BLOC1S5: variants seen among roughly 807,000 people sequenced by gnomAD.
BLOC1S5 encodes biogenesis of lysosomal organelles complex 1 subunit 5.
BLOC1S5 carries 27 observed loss-of-function variants against 24.3 expected under a neutral mutation model. The ratio of observed to expected loss-of-function variants is 1.11; its 90% CI spans 0.82 to 1.53. BLOC1S5 has a LOEUF of 1.53. Ranked by LOEUF, BLOC1S5 falls within the 40% of genes most tolerant of loss-of-function variation. The pLI, the probability that BLOC1S5 is intolerant of heterozygous loss-of-function variation, is 0.00. For missense variants in BLOC1S5, 239 were observed against 229.4 expected (o/e 1.04, Z -0.27); for synonymous variants, 84 against 74.5 (o/e 1.13, Z -0.66).
At chr6:8,044,055 G>A (rs11243227) in intron 2 of BLOC1S5, among the ~76,000 whole-genome samples, 23,012 of 152,114 alleles carry the variant, frequency 0.15, 1,830 homozygotes, top group Admixed American at 0.18. Flanking sequence ...AAGCTGAGGT[G>A]GGCGGATCAT....
chr6:8,040,258 T>C (rs1581415211), intron 3 of BLOC1S5, among the ~76,000 whole-genome samples: 2 of 152,150 alleles, frequency 1.3e-5, no homozygotes, highest in South Asian at 4.1e-4. Context: ...GTGGGGAAGA[T>C]GATAAACATT....
chr6:8,014,298 G>A lies in BLOC1S5; in HGVS notation c.*1351C>T, dbSNP rs1762668333. On this transcript the variant is annotated 3_prime_UTR_variant, in exon 5 of 5. Coordinates refer to ENST00000397457, the MANE Select transcript of BLOC1S5 (RefSeq NM_201280.3). ...GTTAGATTTTTTTTTTGTTGAGATG[G>A]AGTCTCACTCTGTCACCCAAGCTGG... The A allele has an allele frequency of 1.3e-5, 2 of 151,804 alleles. No homozygotes were observed. The highest frequency in any genetic ancestry group is 2.9e-5 in the Non-Finnish European group (2 of 67,976). The allele number at this position is 151,804 out of a possible 1,614,324, so 9.4% of individuals were successfully genotyped here.
chr6:8,016,876 CAA>C (rs36179729), intron 4 of BLOC1S5, among the ~76,000 whole-genome samples: 2 of 97,618 alleles, frequency 2.0e-5, no homozygotes, highest in Non-Finnish European at 1.9e-5. Flanking sequence ...TACTCTATCT[CAA>C]AAAAAAAAAA....
intron 4 of BLOC1S5, among the ~76,000 whole-genome samples, chr6:8,024,249 G>C (rs973608458): frequency 6.6e-6 from 1 of 151,936 alleles, no homozygotes; most frequent in African/African-American, 2.4e-5. Context: ...CTTCAGGCCA[G>C]ACACAGTGGC....
chr6:8,056,479 A>C (rs1434546889), intron 2 of BLOC1S5, among the ~76,000 whole-genome samples: 1 of 152,204 alleles, frequency 6.6e-6, no homozygotes, highest in Non-Finnish European at 1.5e-5. Flanking sequence ...GGGAAAAAAA[A>C]CAAAACATAA....
chr6:8,055,103 C>T (rs547207699), intron 2 of BLOC1S5, among the ~76,000 whole-genome samples: 1 of 152,232 alleles, frequency 6.6e-6, no homozygotes, highest in South Asian at 2.1e-4. Flanking sequence ...TTCCTTGCTT[C>T]TACAATTTTC....
At chr6:8,051,632 G>A (rs930736464) in intron 2 of BLOC1S5, among the ~76,000 whole-genome samples, 17 of 152,240 alleles carry the variant, frequency 1.1e-4, no homozygotes, top group African/African-American at 4.1e-4. Flanking sequence ...CCTGGCTTCA[G>A]AGCTTCAAAG....
intron 3 of BLOC1S5, among the ~76,000 whole-genome samples, chr6:8,030,310 C>A (rs1389175365): frequency 6.6e-6 from 1 of 151,896 alleles, no homozygotes; most frequent in Admixed American, 6.6e-5. Context: ...CAGGCATGCA[C>A]CACCACGCCC....
intron 2 of BLOC1S5, among the ~76,000 whole-genome samples, chr6:8,060,146 T>G (rs997347831): frequency 6.6e-6 from 1 of 152,250 alleles, no homozygotes; most frequent in African/African-American, 2.4e-5. Context: ...TACTGGTTAC[T>G]GCTTTGGATT....
intron 2 of BLOC1S5, among the ~76,000 whole-genome samples, chr6:8,048,441 A>T (rs552855607): frequency 6.6e-5 from 10 of 152,036 alleles, no homozygotes; most frequent in Admixed American, 3.3e-4. Context: ...GTATTTTTTT[A>T]AAAAATAGAT....
intron 3 of BLOC1S5, among the ~76,000 whole-genome samples, chr6:8,028,772 T>C (rs929246843): frequency 6.6e-6 from 1 of 150,788 alleles, no homozygotes; most frequent in African/African-American, 2.5e-5. Flanking sequence ...ACTTTCTGAA[T>C]TTATGAAATT....
chr6:8,056,777 G>GA (rs1235806544), intron 2 of BLOC1S5, among the ~76,000 whole-genome samples: 1 of 152,036 alleles, frequency 6.6e-6, no homozygotes. Flanking sequence ...TTTTTCTGGG[G>GA]AAAAAAATTC....
intron 3 of BLOC1S5, among the ~76,000 whole-genome samples, chr6:8,028,179 G>A (rs1234256139): frequency 1.3e-5 from 2 of 151,994 alleles, no homozygotes; most frequent in African/African-American, 2.4e-5. Flanking sequence ...AATAGGGCAG[G>A]GACTGTGATT....
chr6:8,037,940 G>T (rs540604520), intron 3 of BLOC1S5, among the ~76,000 whole-genome samples: 1 of 152,198 alleles, frequency 6.6e-6, no homozygotes, highest in South Asian at 2.1e-4. Flanking sequence ...GGGAAAACTG[G>T]ATATCCATAT....
chr6:8,061,974 AAAT>A (rs1764529405), intron 2 of BLOC1S5, among the ~76,000 whole-genome samples: 1 of 152,210 alleles, frequency 6.6e-6, no homozygotes, highest in African/African-American at 2.4e-5. Flanking sequence ...TTAAAAAGTG[AAAT>A]AATGTTAGAT....
intron 1 of BLOC1S5, among the ~76,000 whole-genome samples, chr6:8,063,951 A>C (rs1757353648): frequency 6.6e-6 from 1 of 152,108 alleles, no homozygotes; most frequent in Non-Finnish European, 1.5e-5. Flanking sequence ...TGCCCTTTCC[A>C]CTACACGTCG....
rs185230699 is a variant in BLOC1S5, at chr6:8,049,150, C to A, written c.196-7882G>T. 5.3e-5 allele frequency among the ~76,000 whole-genome samples: 8 copies of A among 151,730 alleles called. No homozygotes were observed. The East Asian group carries it at 1.6e-3, about 30-fold the overall frequency. ...CTTTGGGAGGCCGAGATGGGCAGAT[C>A]ACATGAGGTCAGGAGTTCGAGACCA... On this transcript the variant is annotated intron_variant, in intron 2 of 4. Transcript: ENST00000397457.
At chr6:8,025,547 A>G (rs1763073805) in intron 4 of BLOC1S5, among the ~76,000 whole-genome samples, 1 of 152,174 alleles carries the variant, frequency 6.6e-6, no homozygotes, top group Non-Finnish European at 1.5e-5. Context: ...TGAATTTTCA[A>G]AATTTACATC....
chr6:8,023,283 T>A (rs771686271), intron 4 of BLOC1S5, among the ~76,000 whole-genome samples: 2 of 152,226 alleles, frequency 1.3e-5, no homozygotes, highest in Non-Finnish European at 2.9e-5. Flanking sequence ...TGAATGTACT[T>A]TTAGATATCA....
Sources: allele counts gnomAD v4.1 joint callset (sites outside exome capture counted in the v4.1 genomes callset), GRCh38; gene constraint gnomAD v4.1.1; transcripts MANE v1.5; gene names NCBI Gene and HGNC (gene_info 2026-07-23, HGNC 2026-07-21).